The following SEL1L3 variants were observed in gnomAD, a reference collection of about 807,000 sequenced individuals.
The protein encoded by SEL1L3 is SEL1L family member 3.
Under a neutral mutation model 142.8 loss-of-function variants are expected in SEL1L3, and 76 were observed. That is an observed-to-expected ratio of 0.53 (90% CI 0.44 to 0.64). The LOEUF is 0.64. Ranked by LOEUF, SEL1L3 falls within the 30% of genes least tolerant of loss-of-function variation. The probability of loss-of-function intolerance (pLI) is 0.00; values close to 1 mark genes in which losing one functional copy is unlikely to be tolerated. For missense variants in SEL1L3, 1,262 were observed against 1,381.7 expected, an observed-to-expected ratio of 0.91 and a Z score of 1.37; for synonymous variants, 504 against 519.6, an observed-to-expected ratio of 0.97 and a Z score of 0.41.
intron 2 of SEL1L3, among the ~76,000 whole-genome samples, chr4:25,839,321 GA>G (rs1716026116): frequency 6.6e-6 from 1 of 152,206 alleles, no homozygotes; most frequent in African/African-American, 2.4e-5. Context: ...GGAATCTTAA[GA>G]ATAAAACCAG....
intron 17 of SEL1L3, among the ~76,000 whole-genome samples, chr4:25,775,195 GA>G (rs58075819): frequency 2.0e-5 from 3 of 152,114 alleles, no homozygotes; most frequent in African/African-American, 7.2e-5. Context: ...GTAACTTTCT[GA>G]AAAAAATCTC....
chr4:25,825,456 T>C (rs971042934), intron 6 of SEL1L3, among the ~76,000 whole-genome samples: 2 of 152,088 alleles, frequency 1.3e-5, no homozygotes, highest in African/African-American at 4.8e-5. Context: ...TATCTGGACA[T>C]AGGAGAGTGC....
At position 25,747,766 on chromosome 4, in the gene SEL1L3, T is replaced by C. The variant is rs1717332565; in HGVS notation, c.*659A>G. ...AATCTTCTAAATGTAATTTCATGGATTGCAATTGAAATGTAAAAGATATCC... is the reference window on the plus strand; with the variant it reads ...AATCTTCTAAATGTAATTTCATGGACTGCAATTGAAATGTAAAAGATATCC... On this transcript the variant is annotated 3_prime_UTR_variant, in exon 24 of 24. Transcript: ENST00000399878. 6.5e-6 allele frequency: 1 copy of C among 152,684 alleles called. No individual in the cohort carries two copies. The highest frequency in any genetic ancestry group is 6.5e-5 in the Admixed American group (1 of 15,278). The allele number at this position is 152,684 out of a possible 1,614,324, so 9.5% of individuals were successfully genotyped here.
At chr4:25,733,523 C>CTTT in the SEL1L3 span, among the ~76,000 whole-genome samples, 41 of 121,940 alleles carry the variant, frequency 3.4e-4, no homozygotes, top group Admixed American at 7.5e-4. Context: ...TATTCCTTAG[C>CTTT]TTTTTTTTTT....
In SEL1L3 at chr4:25,851,736, A is replaced by T. The variant is rs117118783; in HGVS notation, c.163-3872T>A. On this transcript the variant is annotated intron_variant, in intron 1 of 23. Coordinates refer to ENST00000399878, the MANE Select transcript of SEL1L3 (RefSeq NM_015187.5). ...AAACCCCGTCTCTTCTAAAAATACAAATATTAACCGGGCGTGGTGGCACAT... is the reference window on the plus strand; with the variant it reads ...AAACCCCGTCTCTTCTAAAAATACATATATTAACCGGGCGTGGTGGCACAT... Among the ~76,000 whole-genome samples the T allele has an allele frequency of 2.4e-4, 36 of 152,018 alleles. No homozygotes were observed. In the East Asian group the frequency reaches 6.0e-3, roughly 25 times the overall value.
At position 25,790,446 on chromosome 4, in the gene SEL1L3, C is replaced by A. The variant is rs772598738; in HGVS notation, c.2076+9G>T. 5.6e-6 allele frequency: 9 copies of A among 1,613,218 alleles called. No individual in the cohort carries two copies. In the African/African-American group the frequency reaches 1.1e-4, roughly 19 times the overall value. ...ACAGAATCCCCAAGACAGTAGCCTG[C>A]GTTTTTACCTGAGCTGCTGCATTGC... On this transcript the variant is annotated intron_variant, in intron 12 of 23. Transcript: ENST00000399878.
the SEL1L3 span, among the ~76,000 whole-genome samples, chr4:25,727,121 C>G: frequency 1.3e-5 from 2 of 151,660 alleles, no homozygotes; most frequent in South Asian, 4.2e-4. Flanking sequence ...GGTGGGATCT[C>G]GGTTCACTGC....
chr4:25,731,148 C>T, the SEL1L3 span, among the ~76,000 whole-genome samples: 1 of 152,184 alleles, frequency 6.6e-6, no homozygotes, highest in African/African-American at 2.4e-5. Flanking sequence ...AAACACATTG[C>T]TTTAATATTT....
chr4:25,821,835 T>C (rs987312521), intron 7 of SEL1L3, among the ~76,000 whole-genome samples, 161 bp downstream of exon 7: 1 of 152,218 alleles, frequency 6.6e-6, no homozygotes, highest in Non-Finnish European at 1.5e-5. Flanking sequence ...AAATTTTTAT[T>C]GCATTTGCTG....
At chr4:25,780,526 C>T (rs968704101) in intron 15 of SEL1L3, among the ~76,000 whole-genome samples, 7 of 151,942 alleles carry the variant, frequency 4.6e-5, no homozygotes, top group African/African-American at 1.7e-4. Context: ...TCCTCTAGCA[C>T]ACCAAGCCTG....
chr4:25,724,770 AAGG>A, the SEL1L3 span, among the ~76,000 whole-genome samples: 4 of 35,668 alleles, frequency 1.1e-4, 2 homozygotes, highest in African/African-American at 5.4e-4. Context: ...AAAAAAAAAA[AAGG>A]AAAAGAAATT....
rs185716276 is a variant in SEL1L3 at position 25,818,491 on chromosome 4, T to C, written c.1424-213A>G. ...ATGAGAAATGTGCCAAAGTTGCTGA[T>C]GGCTGTTGAATAATTCTACAGAATG... On this transcript the variant is annotated intron_variant, in intron 8 of 23. Coordinates refer to ENST00000399878, the MANE Select transcript of SEL1L3 (RefSeq NM_015187.5). Among the ~76,000 whole-genome samples the C allele has an allele frequency of 2.3e-3, 353 of 152,340 alleles. 2 individuals are homozygous for C. Among genetic ancestry groups the C allele is most frequent in the African/African-American group, 7.9e-3 (329 of 41,590 alleles).
At chr4:25,740,412 TAC>T in the SEL1L3 span, among the ~76,000 whole-genome samples, 1 of 144,888 alleles carries the variant, frequency 6.9e-6, no homozygotes, top group East Asian at 2.0e-4. Flanking sequence ...TAGCCTGAGC[TAC>T]AGAGTGAGAC....
intron 2 of SEL1L3, 77 bp from the exon 3 acceptor site, chr4:25,835,400 C>A: frequency 2.6e-6 from 4 of 1,520,740 alleles, no homozygotes; most frequent in Middle Eastern, 1.7e-4. Context: ...ATCCTGAAAG[C>A]CTCTGCTGAG....
the SEL1L3 span, chr4:25,719,500 G>A: frequency 6.6e-6 from 1 of 152,128 alleles, no homozygotes; most frequent in Non-Finnish European, 1.5e-5. Flanking sequence ...TTGGACAGGT[G>A]ATATTGGCTT....
intron 15 of SEL1L3, among the ~76,000 whole-genome samples, chr4:25,781,661 T>C (rs1720010739): frequency 6.6e-6 from 1 of 152,194 alleles, no homozygotes. Context: ...CCTACGTTAC[T>C]TAACTTCGCA....
the SEL1L3 span, among the ~76,000 whole-genome samples, chr4:25,728,278 T>C: frequency 1.3e-5 from 2 of 152,192 alleles, no homozygotes; most frequent in Admixed American, 1.3e-4. Context: ...ACATTCGTTC[T>C]GGTGGCCACA....
chr4:25,769,206 A>G (rs1718980414), intron 17 of SEL1L3, among the ~76,000 whole-genome samples: 1 of 152,202 alleles, frequency 6.6e-6, no homozygotes, highest in Non-Finnish European at 1.5e-5. Context: ...TAAGGGAAGC[A>G]GATTCTGAAA....
intron 1 of SEL1L3, among the ~76,000 whole-genome samples, chr4:25,852,300 C>T (rs775836480): frequency 5.9e-5 from 9 of 152,108 alleles, no homozygotes; most frequent in Non-Finnish European, 1.2e-4. Flanking sequence ...AGCCACCCAC[C>T]CACTCCCACC....
Sources: gnomAD v4.1 joint callset for allele counts (sites outside exome capture counted in the v4.1 genomes callset) on GRCh38, gnomAD v4.1.1 for gene constraint, MANE v1.5 for transcripts, NCBI Gene and HGNC (gene_info 2026-07-23, HGNC 2026-07-21) for gene names.